The following FAM234A variants were observed in gnomAD, a reference collection of about 807,000 sequenced individuals.
The protein encoded by FAM234A is protein FAM234A.
A neutral mutation model predicts 49.1 loss-of-function variants in FAM234A; 42 were observed. The observed-to-expected ratio is 0.86, with a 90% confidence interval of 0.67 to 1.11. FAM234A has a LOEUF of 1.11. Ranked by LOEUF, FAM234A falls within the 50% of genes least tolerant of loss-of-function variation. FAM234A has a pLI of 0.00. For synonymous variants in FAM234A, 369 were observed against 316.2 expected, an observed-to-expected ratio of 1.17 and a Z score of -1.77; for missense variants, 815 against 745.2, an observed-to-expected ratio of 1.09 and a Z score of -1.09.
chr16:248,212 T>A (rs943360841), intron 1 of FAM234A: 1 of 152,026 alleles, frequency 6.6e-6, no homozygotes, highest in Non-Finnish European at 1.5e-5. Flanking sequence ...TTAGAGAGTT[T>A]TTTCCCTTTG....
intron 5 of FAM234A, 23 bp from the exon 6 acceptor site, chr16:261,361 C>A (rs772741018): frequency 5.6e-6 from 9 of 1,599,092 alleles, no homozygotes; most frequent in Non-Finnish European, 7.7e-6. Flanking sequence ...GGCCACGTTC[C>A]GTGACCGTGT....
In FAM234A at chr16:265,369, T is replaced by G; in HGVS notation, c.*347T>G. 9.4e-7 allele frequency: 1 copy of G among 1,060,450 alleles called. No homozygotes were observed. 65.7% of individuals were successfully genotyped at this position (1,060,450 alleles called of 1,614,324 possible). ...CATGCAGCACCCCATCCTTACCCGG[T>G]GCCCTCTCCTTGCCAGCTTCTCCCC... On this transcript the variant is annotated 3_prime_UTR_variant, in exon 13 of 13. Coordinates refer to ENST00000399932, the MANE Select transcript of FAM234A (RefSeq NM_032039.4).
At chr16:266,831 G>A (rs184393184), downstream of FAM234A, among the ~76,000 whole-genome samples, 1 of 152,280 alleles carries the variant, frequency 6.6e-6, no homozygotes, top group African/African-American at 2.4e-5. Flanking sequence ...GGCGGGCAGG[G>A]TGGGGCTGGA....
downstream of FAM234A, chr16:266,126 T>C (rs1054354149): frequency 1.0e-5 from 10 of 976,014 alleles, no homozygotes; most frequent in Non-Finnish European, 1.2e-5. Flanking sequence ...GCCTAGCGTG[T>C]GTGCGTCTGC....
intron 1 of FAM234A, among the ~76,000 whole-genome samples, chr16:245,475 T>G (rs960187058): frequency 2.0e-5 from 3 of 152,208 alleles, no homozygotes; most frequent in Non-Finnish European, 4.4e-5. Context: ...TGCCCAGTTA[T>G]GAATTCGTTT....
At chr16:262,366 C>G (rs1419027082) in intron 7 of FAM234A, 58 bp from the exon 8 acceptor site, 1 of 1,557,544 alleles carries the variant, frequency 6.4e-7, no homozygotes, top group Non-Finnish European at 8.7e-7. Flanking sequence ...CTGCGTGCCC[C>G]TGGTCCGGGT....
downstream of FAM234A, chr16:269,881 C>T (rs2051840992): frequency 5.6e-6 from 2 of 355,230 alleles, no homozygotes; most frequent in African/African-American, 2.1e-5. Context: ...GGAATGGCTC[C>T]GTGTGCCCCA....
Position 259,671 on chromosome 16 carries a change from C to T in FAM234A, c.385+72C>T, listed in dbSNP as rs954947710. On this transcript the variant is annotated intron_variant, in intron 4 of 12. Coordinates refer to ENST00000399932, the MANE Select transcript of FAM234A (RefSeq NM_032039.4). ...GAATCGTCATTTTGGGTCACCCTCT[C>T]GCTTTCAGTGTTTGGGGGAAGCAGA... The T allele has an allele frequency of 1.7e-5, 16 of 958,490 alleles. 1 individual carries two copies. The highest frequency in any genetic ancestry group is 6.8e-5 in the South Asian group (5 of 73,828). The allele number at this position is 958,490 out of a possible 1,614,324, so 59.4% of individuals were successfully genotyped here.
At chr16:262,065 C>T in intron 6 of FAM234A, 28 bp from the exon 7 acceptor site, 10 of 1,610,810 alleles carry the variant, frequency 6.2e-6, no homozygotes, top group Non-Finnish European at 8.5e-6. Flanking sequence ...AGGTCCCTCT[C>T]TTCCTGTGTC....
At chr16:267,257 C>T (rs752357269), downstream of FAM234A, among the ~76,000 whole-genome samples, 2 of 151,998 alleles carry the variant, frequency 1.3e-5, no homozygotes, top group Non-Finnish European at 2.9e-5. Context: ...GGAGGGCAGG[C>T]GTCCCCACAC....
chr16:269,087 A>T, downstream of FAM234A: 1 of 951,584 alleles, frequency 1.1e-6, no homozygotes, highest in Non-Finnish European at 1.7e-6. Context: ...CCTTCTGGGC[A>T]GGGAGGGCTT....
chr16:265,246 G>A lies in FAM234A; in HGVS notation c.*224G>A, dbSNP rs1465246106. 7.3e-7 allele frequency: 1 copy of A among 1,374,212 alleles called. No homozygotes were observed. Among genetic ancestry groups the A allele is most frequent in the East Asian group, 2.7e-5 (1 of 36,808 alleles). 85.1% of individuals were successfully genotyped at this position (1,374,212 alleles called of 1,614,324 possible). ...CTCTCCCGCCCAGCATCCTCCCTGA[G>A]TCCCCACACAGGGCCTCACTCTGCA... On this transcript the variant is annotated 3_prime_UTR_variant, in exon 13 of 13. Transcript: ENST00000399932.
At chr16:266,494 C>T (rs570119389), downstream of FAM234A, among the ~76,000 whole-genome samples, 1 of 152,044 alleles carries the variant, frequency 6.6e-6, no homozygotes, top group Non-Finnish European at 1.5e-5. Flanking sequence ...AAGAGGAGCC[C>T]AGGCAGGGGC....
At chr16:268,352 C>T (rs758185816), downstream of FAM234A, 51 of 263,400 alleles carry the variant, frequency 1.9e-4, no homozygotes, top group Non-Finnish European at 2.8e-4. Context: ...GTGTGCTGGA[C>T]GCTGTTGGGA....
At chr16:256,635 A>G (rs1358674125) in intron 3 of FAM234A, among the ~76,000 whole-genome samples, 2 of 151,886 alleles carry the variant, frequency 1.3e-5, no homozygotes, top group African/African-American at 4.8e-5. Flanking sequence ...CAATGGCGCA[A>G]TCTCGGCTCA....
chr16:258,788 T>G (rs1053231722), intron 3 of FAM234A, among the ~76,000 whole-genome samples: 1 of 152,164 alleles, frequency 6.6e-6, no homozygotes, highest in Non-Finnish European at 1.5e-5. Flanking sequence ...CCTATTTTTT[T>G]GTTTTTGTTT....
chr16:255,364 A>G (rs776649827), intron 3 of FAM234A, among the ~76,000 whole-genome samples: 1 of 152,090 alleles, frequency 6.6e-6, no homozygotes, highest in Non-Finnish European at 1.5e-5. Flanking sequence ...TATTTCCATC[A>G]TCCCTAAAAG....
In FAM234A at chr16:260,140, T is replaced by C; in HGVS notation, c.557T>C (p.Ile186Thr). The change falls in exon 5 of 13, where the codon ATT becomes ACT. Residue 186 changes from isoleucine to threonine, a missense_variant. Transcript: ENST00000399932. ...CTGGTGGGCAGACCCAGTTCTTTCA[T>C]TGCAGTCAACTTGTTCACAGGTAGG... ...CILVGRPSSFIAVNLFTGETL... is the reference protein window; with the variant it reads ...CILVGRPSSFTAVNLFTGETL... 6.2e-7 allele frequency: 1 copy of C among 1,613,746 alleles called. No individual in the cohort carries two copies. The highest frequency in any genetic ancestry group is 8.5e-7 in the Non-Finnish European group (1 of 1,180,020).
chr16:267,729 C>A (rs1350029565), downstream of FAM234A, among the ~76,000 whole-genome samples: 2 of 147,994 alleles, frequency 1.4e-5, no homozygotes, highest in African/African-American at 2.5e-5. Context: ...ACACACCACA[C>A]GTGTGCCTCA....
Sources: allele counts gnomAD v4.1 joint callset (sites outside exome capture counted in the v4.1 genomes callset), GRCh38; gene constraint gnomAD v4.1.1; transcripts MANE v1.5; gene names NCBI Gene and HGNC (gene_info 2026-07-23, HGNC 2026-07-21).